The following PTPRG variants were observed in gnomAD, a reference collection of about 807,000 sequenced individuals.
PTPRG encodes receptor-type tyrosine-protein phosphatase gamma.
PTPRG carries 102 observed loss-of-function variants against 165.3 expected under a neutral mutation model. That is an observed-to-expected ratio of 0.62 (90% CI 0.53 to 0.73). PTPRG has a LOEUF of 0.73. PTPRG is among the 30% of genes least tolerant of loss of function. The pLI, the probability that PTPRG is intolerant of heterozygous loss-of-function variation, is 0.00. For missense variants in PTPRG, 1,866 were observed against 1,861.4 expected (o/e 1.00, Z -0.05); for synonymous variants, 675 against 669.5 (o/e 1.01, Z -0.13).
At chr3:62,107,089 A>G (rs1702498646) in intron 5 of PTPRG, among the ~76,000 whole-genome samples, 2 of 152,210 alleles carry the variant, frequency 1.3e-5, no homozygotes, top group Admixed American at 1.3e-4. Context: ...CAATTAAGAG[A>G]AATGTGAAAC....
intron 2 of PTPRG, among the ~76,000 whole-genome samples, chr3:61,751,556 C>T (rs1001424935): frequency 6.6e-6 from 1 of 152,056 alleles, no homozygotes; most frequent in Non-Finnish European, 1.5e-5. Context: ...ATTTTGAAGT[C>T]ATATAGACAA....
intron 5 of PTPRG, among the ~76,000 whole-genome samples, chr3:62,115,672 C>G (rs182259781): frequency 8.6e-5 from 13 of 150,440 alleles, no homozygotes; most frequent in Non-Finnish European, 8.9e-5. Flanking sequence ...GGATCTCACT[C>G]TGTCATCCAG....
chr3:61,778,012 T>C (rs538237919), intron 2 of PTPRG, among the ~76,000 whole-genome samples: 15 of 152,156 alleles, frequency 9.9e-5, no homozygotes, highest in Non-Finnish European at 1.8e-4. Flanking sequence ...CATTCATTCA[T>C]TCATGTAACA....
intron 2 of PTPRG, among the ~76,000 whole-genome samples, chr3:61,948,057 G>T (rs1016346954): frequency 6.6e-6 from 1 of 152,164 alleles, no homozygotes; most frequent in Admixed American, 6.5e-5. Context: ...AGGCGCAGTG[G>T]CTCAAGCCTG....
intron 2 of PTPRG, among the ~76,000 whole-genome samples, chr3:61,864,758 G>C (rs1442045055): frequency 6.6e-6 from 1 of 152,162 alleles, no homozygotes; most frequent in Non-Finnish European, 1.5e-5. Flanking sequence ...AAATTGAGAA[G>C]AGACCACAAT....
At chr3:61,937,086 C>T (rs1398667705) in intron 2 of PTPRG, among the ~76,000 whole-genome samples, 1 of 152,134 alleles carries the variant, frequency 6.6e-6, no homozygotes, top group Non-Finnish European at 1.5e-5. Context: ...ATGTAGTGCA[C>T]CGTTGCCCTG....
rs193067360 is a variant in PTPRG, at chr3:61,823,179, T to A, written c.190+74197T>A. Among the ~76,000 whole-genome samples, 3 of 152,300 alleles carry A rather than the reference T, an allele frequency of 2.0e-5. No homozygotes were observed. The East Asian group carries it at 5.8e-4, about 29-fold the overall frequency. ...GAGTTGAAATTGATGATGAGCCAGT[T>A]GCACAGGTTTGTTTGTTTGTTTTTG... On this transcript the variant is annotated intron_variant, in intron 2 of 29. Coordinates refer to ENST00000474889, the MANE Select transcript of PTPRG (RefSeq NM_002841.4).
chr3:61,763,324 A>C (rs1575644003), intron 2 of PTPRG, among the ~76,000 whole-genome samples: 1 of 151,000 alleles, frequency 6.6e-6, no homozygotes. Flanking sequence ...TGCAACCTCC[A>C]CCTCCTGGGT....
chr3:62,123,148 A>G (rs1419897661), intron 5 of PTPRG, among the ~76,000 whole-genome samples: 2 of 152,238 alleles, frequency 1.3e-5, no homozygotes, highest in African/African-American at 2.4e-5. Context: ...CAAGGTGTCA[A>G]CTGGGACTAT....
At chr3:61,841,208 A>G (rs528658902) in intron 2 of PTPRG, among the ~76,000 whole-genome samples, 4 of 152,212 alleles carry the variant, frequency 2.6e-5, no homozygotes, top group Non-Finnish European at 5.9e-5. Context: ...TGTTAAAGAG[A>G]TGTTTTATAT....
chr3:61,783,854 G>C (rs1193367671), intron 2 of PTPRG, among the ~76,000 whole-genome samples: 1 of 152,242 alleles, frequency 6.6e-6, no homozygotes, highest in East Asian at 1.9e-4. Flanking sequence ...CCAAGTTTTG[G>C]ACTCTAAAGT....
intron 2 of PTPRG, among the ~76,000 whole-genome samples, chr3:61,904,782 T>G (rs1213534934): frequency 6.6e-6 from 1 of 152,202 alleles, no homozygotes; most frequent in Middle Eastern, 3.2e-3. Flanking sequence ...TATTTACATT[T>G]CACATATGTA....
At chr3:61,908,830 A>C (rs891293310) in intron 2 of PTPRG, among the ~76,000 whole-genome samples, 2 of 152,214 alleles carry the variant, frequency 1.3e-5, no homozygotes, top group South Asian at 2.1e-4. Context: ...GTTAGGGCTT[A>C]GGCTTAACAC....
intron 3 of PTPRG, among the ~76,000 whole-genome samples, chr3:61,991,728 C>T (rs1215492717): frequency 1.3e-5 from 2 of 152,240 alleles, no homozygotes; most frequent in African/African-American, 4.8e-5. Flanking sequence ...ACCACCTCAG[C>T]ACCACATTCT....
intron 2 of PTPRG, among the ~76,000 whole-genome samples, chr3:61,907,144 C>A (rs1030798811): frequency 1.4e-5 from 2 of 147,850 alleles, no homozygotes; most frequent in African/African-American, 2.5e-5. Flanking sequence ...TCCCCCACCC[C>A]TTTTTTTTTT....
chr3:61,601,291 C>T (rs1249948406), intron 1 of PTPRG, among the ~76,000 whole-genome samples: 1 of 152,120 alleles, frequency 6.6e-6, no homozygotes. Context: ...ACAAAAGGAG[C>T]TTTTCTGAAT....
intron 2 of PTPRG, among the ~76,000 whole-genome samples, chr3:61,971,130 G>A (rs974544693): frequency 2.0e-5 from 3 of 152,136 alleles, no homozygotes; most frequent in Non-Finnish European, 4.4e-5. Context: ...TCAGCCAACT[G>A]CATCCTCTGC....
At chr3:61,596,648 G>A (rs146382338) in intron 1 of PTPRG, among the ~76,000 whole-genome samples, 1 of 152,152 alleles carries the variant, frequency 6.6e-6, no homozygotes. Flanking sequence ...GTCACTGTGA[G>A]TTGGTGGGAG....
At position 62,265,891 on chromosome 3, in the gene PTPRG, T is replaced by TTA. The variant is rs757775460; in HGVS notation, c.2657-1514_2657-1513dup. On this transcript the variant is annotated intron_variant, in intron 17 of 29. Coordinates refer to ENST00000474889, the MANE Select transcript of PTPRG (RefSeq NM_002841.4). ...ACACACACACGTATACATCTGTGCC[T>TTA]TATATACACACACACACACACACAC... 4.9e-3 allele frequency among the ~76,000 whole-genome samples: 319 copies of TTA among 65,622 alleles called. 4 individuals are homozygous for TTA. Among genetic ancestry groups the TTA allele is most frequent in the Admixed American group, 0.01 (56 of 5,476 alleles). The allele number at this position is 65,622 out of a possible 152,430, so 43.1% of individuals were successfully genotyped here.
Sources: gnomAD v4.1 joint callset for allele counts (sites outside exome capture counted in the v4.1 genomes callset) on GRCh38, gnomAD v4.1.1 for gene constraint, MANE v1.5 for transcripts, NCBI Gene and HGNC (gene_info 2026-07-23, HGNC 2026-07-21) for gene names.